The following ARHGAP39 variants were observed in gnomAD, a reference collection of about 807,000 sequenced individuals.
ARHGAP39 encodes Rho GTPase activating protein 39, also known as rho GTPase-activating protein 39.
Under a neutral mutation model 106.9 loss-of-function variants are expected in ARHGAP39, and 44 were observed. That is an observed-to-expected ratio of 0.41 (90% CI 0.32 to 0.53). ARHGAP39 has a LOEUF of 0.53. Ranked by LOEUF, ARHGAP39 falls within the 20% of genes least tolerant of loss-of-function variation. ARHGAP39 has a pLI of 0.21. For synonymous variants in ARHGAP39, 768 were observed against 693.2 expected (o/e 1.11, Z -1.69); for missense variants, 1,496 against 1,577.3 (o/e 0.95, Z 0.87).
intron 1 of ARHGAP39, among the ~76,000 whole-genome samples, chr8:144,627,948 G>A (rs1820966811): frequency 6.6e-6 from 1 of 152,192 alleles, no homozygotes; most frequent in African/African-American, 2.4e-5. Flanking sequence ...GAGCCAGTGG[G>A]GGGCCCGCCG....
In ARHGAP39 at chr8:144,530,886, C is replaced by T. The variant is rs369214772; in HGVS notation, c.2981-15G>A. 18 of 1,597,938 alleles carry T rather than the reference C, an allele frequency of 1.1e-5. No homozygotes were observed. Among genetic ancestry groups the T allele is most frequent in the Non-Finnish European group, 1.4e-5 (16 of 1,173,020 alleles). ...CAGCAGGGACGCTGGGGACACAGCA[C>T]GGGGCTCAGCGGCCCTGCTCGGCGG... On this transcript the variant is annotated splice_polypyrimidine_tract_variant and intron_variant, in intron 10 of 11. Transcript: ENST00000377307.
intron 3 of ARHGAP39, among the ~76,000 whole-genome samples, chr8:144,575,417 TTC>T (rs766358466): frequency 6.1e-4 from 93 of 152,324 alleles, no homozygotes; most frequent in East Asian, 2.1e-3. Flanking sequence ...ACAAAATATT[TTC>T]TTTCTTTACA....
intron 2 of ARHGAP39, among the ~76,000 whole-genome samples, chr8:144,581,654 A>G (rs1479665194): frequency 1.3e-5 from 2 of 152,202 alleles, no homozygotes; most frequent in Non-Finnish European, 2.9e-5. Flanking sequence ...CCTGCTCAGT[A>G]GCCCCTCCGC....
intron 2 of ARHGAP39, among the ~76,000 whole-genome samples, chr8:144,602,117 GTGCA>G (rs1413680260): frequency 4.1e-5 from 6 of 147,228 alleles, no homozygotes; most frequent in African/African-American, 1.5e-4. Flanking sequence ...CTGTGTGCAT[GTGCA>G]TGGAGGTGTG....
At chr8:144,607,580 A>G (rs528561049) in intron 1 of ARHGAP39, among the ~76,000 whole-genome samples, 93 of 151,776 alleles carry the variant, frequency 6.1e-4, no homozygotes, top group African/African-American at 2.2e-3. Context: ...CCCGCCCCCC[A>G]GGAGAGGCCA....
At chr8:144,607,298 C>A (rs573587567) in intron 1 of ARHGAP39, among the ~76,000 whole-genome samples, 1 of 151,190 alleles carries the variant, frequency 6.6e-6, no homozygotes, top group East Asian at 1.9e-4. Flanking sequence ...AGTTGCCTTT[C>A]CTGAGGTTCA....
rs1445554715 is a variant in ARHGAP39 at position 144,547,291 on chromosome 8, C to T, written c.1795G>A (p.Val599Met). 6.2e-7 allele frequency: 1 copy of T among 1,612,114 alleles called. No homozygotes were observed. Among genetic ancestry groups the T allele is most frequent in the Admixed American group, 1.7e-5 (1 of 59,970 alleles). Residue 599 changes from valine (V) to methionine (M), a missense_variant, in exon 5 of 12, where the codon GTG (valine) becomes ATG (methionine). This residue lies in a region of ARHGAP39 where 905 missense variants were observed against 816.4 expected (regional missense o/e 1.11). Transcript: ENST00000377307. The surrounding 1 kb of genome is among the most constrained non-coding windows in gnomAD (Gnocchi z 5.2). ...TCGTCCTCGCTGAAGGCCCGCACCA[C>T]CGGCCCGGGCATGGGCAGTGGCAGG... is the stretch of plus-strand genomic sequence containing the variant. ...GALPLPMPGP[V>M]VRAFSEDEAL...
chr8:144,690,946 C>A, the ARHGAP39 span, among the ~76,000 whole-genome samples: 135 of 152,242 alleles, frequency 8.9e-4, 1 homozygote, highest in African/African-American at 3.2e-3. Flanking sequence ...GCATGAGCCA[C>A]CTTGCCCAGC....
chr8:144,565,091 C>T (rs991170305), intron 3 of ARHGAP39, among the ~76,000 whole-genome samples: 12 of 151,902 alleles, frequency 7.9e-5, no homozygotes, highest in Admixed American at 2.6e-4. Context: ...GCCTGGGCAA[C>T]AAGAGTGAAT....
At chr8:144,536,737 C>G (rs1816972211) in intron 7 of ARHGAP39, among the ~76,000 whole-genome samples, 1 of 152,196 alleles carries the variant, frequency 6.6e-6, no homozygotes, top group East Asian at 1.9e-4. Flanking sequence ...AAGTCCCTAG[C>G]CCAGCAGATG....
intron 3 of ARHGAP39, among the ~76,000 whole-genome samples, chr8:144,561,339 C>CGG (rs1818141406): frequency 6.6e-6 from 1 of 152,072 alleles, no homozygotes; most frequent in Non-Finnish European, 1.5e-5. Flanking sequence ...TGCTTTCCAT[C>CGG]ACATCCCAGT....
chr8:144,565,928 C>CA (rs796671932), intron 3 of ARHGAP39, among the ~76,000 whole-genome samples: 7,053 of 53,174 alleles, frequency 0.13, 597 homozygotes, highest in African/African-American at 0.3. Context: ...CCCAACTCTA[C>CA]AAAAAAAAAA....
intron 3 of ARHGAP39, among the ~76,000 whole-genome samples, chr8:144,559,027 T>C (rs1323665343): frequency 1.3e-5 from 2 of 151,976 alleles, no homozygotes; most frequent in African/African-American, 2.4e-5. Context: ...GCCAATATGG[T>C]GAAACCCTGT....
intron 3 of ARHGAP39, among the ~76,000 whole-genome samples, chr8:144,566,644 T>A (rs1395387892): frequency 6.6e-6 from 1 of 151,822 alleles, no homozygotes; most frequent in Non-Finnish European, 1.5e-5. Context: ...TCACTTGAGG[T>A]CAGGAGTTCG....
intron 1 of ARHGAP39, among the ~76,000 whole-genome samples, chr8:144,628,259 C>A (rs1481894844): frequency 6.6e-6 from 1 of 152,120 alleles, no homozygotes; most frequent in African/African-American, 2.4e-5. Flanking sequence ...CTCTCCCCAG[C>A]CCTTTGAGCA....
chr8:144,532,529 C>T lies in ARHGAP39; in HGVS notation c.2889-133G>A, dbSNP rs116655978. ...AAAACCTCAGGACCCCCCGCCACCC[C>T]GGTTGGCCTCTTTCCCACGAACGTG... On this transcript the variant is annotated intron_variant, in intron 9 of 11. Transcript: ENST00000377307. 2,183 of 733,692 alleles carry T rather than the reference C, an allele frequency of 3.0e-3. 28 individuals carry two copies. In the African/African-American group the frequency reaches 0.035, roughly 12 times the overall value. The allele number at this position is 733,692 out of a possible 1,614,324, so 45.4% of individuals were successfully genotyped here. A position where few individuals can be genotyped will look rare whatever the true frequency, so the allele number is the denominator to read the frequency against.
rs1164214820 is a variant in ARHGAP39 at position 144,534,112 on chromosome 8, C to T, written c.2688+17G>A. ...TGTCCCCGCCTGCCCTCCCCGGCCC[C>T]CCAGGCGCACCCGTACCTTCTTGGC... On this transcript the variant is annotated intron_variant, in intron 8 of 11. Transcript: ENST00000377307. 3 of 1,612,130 alleles carry T rather than the reference C, an allele frequency of 1.9e-6. No homozygotes were observed. The highest frequency in any genetic ancestry group is 1.7e-6 in the Non-Finnish European group (2 of 1,179,520).
chr8:144,623,854 A>G (rs1175831914), intron 1 of ARHGAP39, among the ~76,000 whole-genome samples: 7 of 152,226 alleles, frequency 4.6e-5, no homozygotes, highest in Non-Finnish European at 7.3e-5. Context: ...AAGTAAGCAC[A>G]CAGAGCAGAC....
At chr8:144,539,370 T>C (rs141773107) in intron 6 of ARHGAP39, among the ~76,000 whole-genome samples, 1,591 of 152,314 alleles carry the variant, frequency 0.01, 32 homozygotes, top group African/African-American at 0.036. Context: ...GTGTATCTTC[T>C]CATTCTTTTA....
Sources: allele counts gnomAD v4.1 joint callset (sites outside exome capture counted in the v4.1 genomes callset), GRCh38; gene constraint gnomAD v4.1.1; regional missense constraint gnomAD v4.1.1; non-coding constraint Gnocchi (gnomAD v3.1); transcripts MANE v1.5; gene names NCBI Gene and HGNC (gene_info 2026-07-23, HGNC 2026-07-21).